Variants in WLS observed in about 807,000 individuals in gnomAD.
WLS encodes the protein protein wntless homolog.
A neutral mutation model predicts 62.8 loss-of-function variants in WLS; 23 were observed. That is an observed-to-expected ratio of 0.37 (90% CI 0.26 to 0.52). The LOEUF is 0.52. WLS is among the 20% of genes least tolerant of loss of function. The pLI is 0.92. For synonymous variants in WLS, 246 were observed against 244.1 expected (o/e 1.01, Z -0.07); for missense variants, 615 against 697.3 (o/e 0.88, Z 1.33).
chr1:68,135,330 T>TG (rs1646592670), intron 11 of WLS, among the ~76,000 whole-genome samples: 3 of 127,890 alleles, frequency 2.3e-5, no homozygotes, highest in African/African-American at 6.0e-5. Context: ...TTTTTTTTTT[T>TG]GTAGAGATGG....
At chr1:68,213,648 C>G (rs557022739) in intron 1 of WLS, among the ~76,000 whole-genome samples, 1 of 152,056 alleles carries the variant, frequency 6.6e-6, no homozygotes, top group African/African-American at 2.4e-5. Flanking sequence ...TTTCAGATGG[C>G]TGTCCCATAC....
intron 11 of WLS, among the ~76,000 whole-genome samples, chr1:68,105,860 C>T (rs1294044125): frequency 6.6e-6 from 1 of 151,846 alleles, no homozygotes; most frequent in Non-Finnish European, 1.5e-5. Flanking sequence ...TGGACAGAGA[C>T]ATGTCAGGAG....
At chr1:68,123,798 C>G (rs1279741325), downstream of WLS, among the ~76,000 whole-genome samples, 1 of 152,116 alleles carries the variant, frequency 6.6e-6, no homozygotes, top group African/African-American at 2.4e-5. Context: ...TGGATAAAGA[C>G]TCAGTAGTGA....
At chr1:68,209,755 T>C (rs1649435164) in intron 1 of WLS, among the ~76,000 whole-genome samples, 1 of 151,458 alleles carries the variant, frequency 6.6e-6, no homozygotes, top group Non-Finnish European at 1.5e-5. Context: ...CGCTCCAGCC[T>C]GGGCAACAAA....
In WLS at chr1:68,210,835, G is replaced by A. The variant is rs566055171; in HGVS notation, c.107-16608C>T. Among the ~76,000 whole-genome samples, 3 of 152,284 alleles carry A rather than the reference G, an allele frequency of 2.0e-5. No individual in the cohort carries two copies. In the South Asian group the frequency reaches 6.2e-4, roughly 32 times the overall value. ...AACCAAGGGGAGGAGAAACCTTGTG[G>A]AGGATTTTTCCCCTCTGTTCTGAAT... is the stretch of plus-strand genomic sequence containing the variant. On this transcript the variant is annotated intron_variant, in intron 1 of 11. Transcript: ENST00000262348.
intron 2 of WLS, among the ~76,000 whole-genome samples, chr1:68,192,307 G>T (rs182047601): frequency 6.6e-6 from 1 of 152,254 alleles, no homozygotes; most frequent in African/African-American, 2.4e-5. Context: ...ACAGATACAT[G>T]AAAATCATAT....
At chr1:68,161,638 T>C in intron 2 of WLS, 1 of 797,876 alleles carries the variant, frequency 1.3e-6, no homozygotes, top group Non-Finnish European at 2.0e-6. Flanking sequence ...GCATCAATGA[T>C]GCATAAGTCC....
chr1:68,170,620 A>AT (rs1647138620), intron 2 of WLS, among the ~76,000 whole-genome samples: 1 of 152,014 alleles, frequency 6.6e-6, no homozygotes, highest in African/African-American at 2.4e-5. Flanking sequence ...AGTGCTTGGC[A>AT]TCCCCGCTCG....
At chr1:68,125,320 C>CT (rs1255763635), downstream of WLS, 7 of 985,254 alleles carry the variant, frequency 7.1e-6, no homozygotes, top group Non-Finnish European at 3.6e-6. Flanking sequence ...AACTCCCCAC[C>CT]TCTAGGTTCA....
intron 10 of WLS, 45 bp from the exon 11 acceptor site, chr1:68,137,978 C>A (rs1404366996): frequency 6.2e-7 from 1 of 1,607,704 alleles, no homozygotes; most frequent in Non-Finnish European, 8.5e-7. Context: ...AGAGAAGAAA[C>A]AGAAGAAACA....
At chr1:68,100,211 A>C (rs1646058865) in intron 11 of WLS, among the ~76,000 whole-genome samples, 1 of 152,216 alleles carries the variant, frequency 6.6e-6, no homozygotes, top group South Asian at 2.1e-4. Flanking sequence ...CCAAGCTCAC[A>C]TATTAGTTGA....
intron 11 of WLS, among the ~76,000 whole-genome samples, chr1:68,111,497 A>G (rs1056011447): frequency 3.3e-5 from 5 of 152,186 alleles, no homozygotes; most frequent in African/African-American, 1.2e-4. Context: ...CCAATGCAGC[A>G]TTTAAACACG....
intron 5 of WLS, among the ~76,000 whole-genome samples, chr1:68,152,864 C>G (rs925355390): frequency 6.6e-6 from 1 of 152,164 alleles, no homozygotes; most frequent in Non-Finnish European, 1.5e-5. Flanking sequence ...GGTACATCTA[C>G]AGGAGCACTG....
At position 68,116,562 on chromosome 1, in the gene WLS, A is replaced by G. The variant is rs563209798; in HGVS notation, c.1511-17809T>C. 2.0e-5 allele frequency among the ~76,000 whole-genome samples: 3 copies of G among 152,268 alleles called. No individual in the cohort carries two copies. In the South Asian group the frequency reaches 6.2e-4, roughly 32 times the overall value. Reference sequence around the variant, plus strand: ...GCTCTCTGTGCCAACAATTGTGCCTACCTCATAGGATTCATTTAAGGATTA... The same window carrying G: ...GCTCTCTGTGCCAACAATTGTGCCTGCCTCATAGGATTCATTTAAGGATTA... On this transcript the variant is annotated intron_variant, in intron 11 of 11. Coordinates refer to the WLS transcript ENST00000354777.
intron 1 of WLS, among the ~76,000 whole-genome samples, chr1:68,199,175 T>C (rs1648851847): frequency 6.6e-6 from 1 of 152,232 alleles, no homozygotes. Flanking sequence ...TTTATTTCTT[T>C]GCTTTATTAT....
At chr1:68,130,940 C>CTGGAG (rs1198416246) in intron 11 of WLS, among the ~76,000 whole-genome samples, 2 of 131,806 alleles carry the variant, frequency 1.5e-5, no homozygotes, top group Non-Finnish European at 3.1e-5. Context: ...GTCACCCAGG[C>CTGGAG]TGGAGTGGAG....
intron 2 of WLS, among the ~76,000 whole-genome samples, chr1:68,177,320 T>C (rs1440065277): frequency 6.6e-6 from 1 of 152,182 alleles, no homozygotes; most frequent in Non-Finnish European, 1.5e-5. Flanking sequence ...ATGGGGTCTA[T>C]GCATATTTGT....
intron 11 of WLS, among the ~76,000 whole-genome samples, chr1:68,132,450 G>A (rs571405473): frequency 1.3e-5 from 2 of 152,214 alleles, no homozygotes; most frequent in East Asian, 3.9e-4. Context: ...CCAATGTCAG[G>A]GCCTCAGGAC....
intron 11 of WLS, among the ~76,000 whole-genome samples, chr1:68,129,767 C>G (rs1001627795): frequency 6.6e-6 from 1 of 152,226 alleles, no homozygotes; most frequent in Non-Finnish European, 1.5e-5. Context: ...CCTCTCTTGG[C>G]TCCTGCTGTT....
Sources: gnomAD v4.1 joint callset for allele counts (sites outside exome capture counted in the v4.1 genomes callset) on GRCh38, gnomAD v4.1.1 for gene constraint, MANE v1.5 for transcripts, NCBI Gene and HGNC (gene_info 2026-07-23, HGNC 2026-07-21) for gene names.